CTNNA3: variants seen among roughly 807,000 people sequenced by gnomAD.
CTNNA3 encodes catenin alpha-3.
In CTNNA3, 76 loss-of-function variants were observed where a neutral mutation model predicts 95.7. That is an observed-to-expected ratio of 0.79 (90% CI 0.66 to 0.96). The LOEUF (loss-of-function observed/expected upper bound fraction) is 0.96, where lower values mean the gene tolerates loss of function less well. Among genes scored for constraint, CTNNA3 ranks in the 40% least tolerant of loss-of-function variants. The probability of loss-of-function intolerance (pLI) is 0.00; values close to 1 mark genes in which losing one functional copy is unlikely to be tolerated. For missense variants in CTNNA3, 1,191 were observed against 1,089.8 expected, an observed-to-expected ratio of 1.09 and a Z score of -1.31; for synonymous variants, 431 against 374.4, an observed-to-expected ratio of 1.15 and a Z score of -1.74.
chr10:65,917,260 C>T lies in CTNNA3; in HGVS notation c.*3070G>A, dbSNP rs1466894872. ...ATAATAAACAGAAAGGAATAATGAA[C>T]AAATTAGCTTAGAAATTTAGTGTTT... On this transcript the variant is annotated 3_prime_UTR_variant, in exon 18 of 18. Coordinates refer to ENST00000433211, the MANE Select transcript of CTNNA3 (RefSeq NM_013266.4). The T allele has an allele frequency of 6.6e-6, 1 of 152,056 alleles. No individual in the cohort carries two copies. Among genetic ancestry groups the T allele is most frequent in the Non-Finnish European group, 1.5e-5 (1 of 67,996 alleles). 9.4% of individuals were successfully genotyped at this position (152,056 alleles called of 1,614,324 possible).
At chr10:66,395,234 G>C (rs1367546764) in intron 11 of CTNNA3, among the ~76,000 whole-genome samples, 1 of 151,870 alleles carries the variant, frequency 6.6e-6, no homozygotes, top group East Asian at 1.9e-4. Flanking sequence ...CTTATATTTT[G>C]CTCAGAGGTG....
intron 7 of CTNNA3, among the ~76,000 whole-genome samples, chr10:67,118,818 C>T (rs1859322280): frequency 6.6e-6 from 1 of 151,782 alleles, no homozygotes; most frequent in African/African-American, 2.4e-5. Context: ...TAAATGTCAT[C>T]AATTATATCA....
intron 9 of CTNNA3, among the ~76,000 whole-genome samples, chr10:66,714,904 G>A (rs76424617): frequency 4.6e-5 from 7 of 152,110 alleles, no homozygotes; most frequent in African/African-American, 1.7e-4. Flanking sequence ...TTGGGAAGAC[G>A]TGTAATACCC....
rs764978430 is a variant in CTNNA3, at chr10:66,520,679, A to G, written c.1469T>C (p.Ile490Thr). 5 of 1,612,016 alleles carry G rather than the reference A, an allele frequency of 3.1e-6. No homozygotes were observed. In the African/African-American group the frequency reaches 6.7e-5, roughly 22 times the overall value. Residue 490 changes from isoleucine to threonine, a missense_variant, in exon 11 of 18, where the codon ATA becomes ACA. Coordinates refer to ENST00000433211, the MANE Select transcript of CTNNA3 (RefSeq NM_013266.4). ...EMYKRTWENH[I>T]HVLTEAVDDI... ...ATCTACGGCTTCAGTGAGGACATGT[A>G]TATGATTCTCCCATGTACGCTTGTA... is the stretch of plus-strand genomic sequence containing the variant.
intron 9 of CTNNA3, among the ~76,000 whole-genome samples, chr10:66,661,533 A>G (rs1448872116): frequency 1.3e-5 from 2 of 152,146 alleles, no homozygotes; most frequent in Non-Finnish European, 2.9e-5. Flanking sequence ...AAACATTTAT[A>G]TTAGTTAAAA....
chr10:67,559,981 A>G (rs1841435249), intron 3 of CTNNA3, among the ~76,000 whole-genome samples: 1 of 152,220 alleles, frequency 6.6e-6, no homozygotes, highest in Non-Finnish European at 1.5e-5. Context: ...GAAATAGGGG[A>G]CTATGTGAAA....
At chr10:66,645,029 T>A (rs906577489) in intron 9 of CTNNA3, among the ~76,000 whole-genome samples, 1 of 152,220 alleles carries the variant, frequency 6.6e-6, no homozygotes, top group Admixed American at 6.5e-5. Flanking sequence ...CTTTTGGGAT[T>A]TTTTTCATAA....
intron 15 of CTNNA3, among the ~76,000 whole-genome samples, chr10:66,047,888 A>T (rs1008104424): frequency 6.6e-6 from 1 of 152,174 alleles, no homozygotes; most frequent in Non-Finnish European, 1.5e-5. Context: ...TGCCACAAAA[A>T]GAATAAAATA....
chr10:66,647,737 T>C (rs933417333), intron 9 of CTNNA3, among the ~76,000 whole-genome samples: 1 of 151,618 alleles, frequency 6.6e-6, no homozygotes, highest in Non-Finnish European at 1.5e-5. Flanking sequence ...GCCAGGATGG[T>C]CTCGATCTTC....
rs1213545866 is a variant in CTNNA3, at chr10:66,085,948, G to T, written c.1978-16459C>A. On this transcript the variant is annotated intron_variant, in intron 14 of 17. Coordinates refer to ENST00000433211, the MANE Select transcript of CTNNA3 (RefSeq NM_013266.4). ...TGCTGCTGCAAGAATCAAAACACAG[G>T]GTTGATGGTAACACCTATCCTACAT... 3.3e-5 allele frequency among the ~76,000 whole-genome samples: 5 copies of T among 151,964 alleles called. No individual in the cohort carries two copies. In the East Asian group the frequency reaches 9.7e-4, roughly 29 times the overall value.
rs1317204176 is a variant in CTNNA3, at chr10:67,570,871, C to T, written c.293-31202G>A. 4.6e-5 allele frequency among the ~76,000 whole-genome samples: 7 copies of T among 152,118 alleles called. No individual in the cohort carries two copies. In the South Asian group the frequency reaches 1.4e-3, roughly 31 times the overall value. On this transcript the variant is annotated intron_variant, in intron 3 of 17. Transcript: ENST00000433211. ...TCATTTTCATACTGGCCATCCAGTG[C>T]TGGAACTCCTCAAAGCTGGTTCATT...
In CTNNA3 at chr10:65,917,383, T is replaced by C. The variant is rs571580792; in HGVS notation, c.*2947A>G. 6.6e-6 allele frequency: 1 copy of C among 152,286 alleles called. No homozygotes were observed. Among genetic ancestry groups the C allele is most frequent in the South Asian group, 2.1e-4 (1 of 4,824 alleles). 9.4% of individuals were successfully genotyped at this position (152,286 alleles called of 1,614,324 possible). ...TTGTCATAAATTAAAGGGAATGATT[T>C]CTATTTCTCACTTTTTATATTTGAT... On this transcript the variant is annotated 3_prime_UTR_variant, in exon 18 of 18. Transcript: ENST00000433211.
chr10:66,179,737 C>T (rs535207687), intron 13 of CTNNA3, among the ~76,000 whole-genome samples: 1 of 151,852 alleles, frequency 6.6e-6, no homozygotes, highest in Admixed American at 6.6e-5. Context: ...ACTTATACTG[C>T]TGTGGTAATA....
chr10:67,541,010 C>G (rs1840668777), intron 3 of CTNNA3, among the ~76,000 whole-genome samples: 1 of 151,634 alleles, frequency 6.6e-6, no homozygotes, highest in Non-Finnish European at 1.5e-5. Context: ...AATAAGAGTA[C>G]ATAAGTTATA....
chr10:67,611,520 G>A (rs548248432), intron 2 of CTNNA3, among the ~76,000 whole-genome samples: 5 of 152,028 alleles, frequency 3.3e-5, no homozygotes, highest in Non-Finnish European at 5.9e-5. Flanking sequence ...GTTTCACCAT[G>A]TTAGCCAGGA....
chr10:66,900,153 A>G (rs558380368), intron 7 of CTNNA3, among the ~76,000 whole-genome samples: 2 of 152,120 alleles, frequency 1.3e-5, no homozygotes, highest in Non-Finnish European at 2.9e-5. Flanking sequence ...CTTCCAGAGG[A>G]AGGATCAGGC....
chr10:67,736,541 C>T (rs1019074612), intron 1 of CTNNA3, among the ~76,000 whole-genome samples: 2 of 150,856 alleles, frequency 1.3e-5, no homozygotes, highest in Admixed American at 1.3e-4. Context: ...CTGCAATCTC[C>T]GCCTCCCAGT....
chr10:66,126,336 G>A (rs2082829406), intron 13 of CTNNA3, among the ~76,000 whole-genome samples: 1 of 152,198 alleles, frequency 6.6e-6, no homozygotes, highest in Non-Finnish European at 1.5e-5. Context: ...GAAGTTTATA[G>A]ATGAACAAGG....
intron 5 of CTNNA3, among the ~76,000 whole-genome samples, chr10:67,402,290 C>G (rs1269341271): frequency 2.0e-5 from 3 of 152,096 alleles, no homozygotes; most frequent in Non-Finnish European, 4.4e-5. Context: ...ACAAAAATTA[C>G]ATAATATAAT....
Sources: gnomAD v4.1 joint callset for allele counts (sites outside exome capture counted in the v4.1 genomes callset) on GRCh38, gnomAD v4.1.1 for gene constraint, MANE v1.5 for transcripts, NCBI Gene and HGNC (gene_info 2026-07-23, HGNC 2026-07-21) for gene names.